ZNF846: variants seen among roughly 807,000 people sequenced by gnomAD.
The protein encoded by ZNF846 is zinc finger protein 420 pseudogene.
In ZNF846, 15 loss-of-function variants were observed where a neutral mutation model predicts 16.0. The ratio of observed to expected loss-of-function variants is 0.94; its 90% CI spans 0.63 to 1.45. The LOEUF (loss-of-function observed/expected upper bound fraction) is 1.45, where lower values mean the gene tolerates loss of function less well. ZNF846 is among the 40% of genes most tolerant of loss of function. The pLI, the probability that ZNF846 is intolerant of heterozygous loss-of-function variation, is 0.00. For synonymous variants in ZNF846, 229 were observed against 212.0 expected, an observed-to-expected ratio of 1.08 and a Z score of -0.70; for missense variants, 714 against 622.3, an observed-to-expected ratio of 1.15 and a Z score of -1.57.
chr19:9,781,452 C>G (rs2045500457), intron 1 of ZNF846, among the ~76,000 whole-genome samples: 1 of 152,100 alleles, frequency 6.6e-6, no homozygotes, highest in Admixed American at 6.6e-5. Context: ...CTTATCCCTC[C>G]CCTCCCAGCA....
At chr19:9,761,544 C>T (rs1031683131) in intron 4 of ZNF846, among the ~76,000 whole-genome samples, 32 of 151,920 alleles carry the variant, frequency 2.1e-4, no homozygotes, top group Non-Finnish European at 4.4e-5. Flanking sequence ...AATCCCATCT[C>T]TACAAAAATA....
chr19:9,754,548 G>A (rs1463529821), downstream of ZNF846, among the ~76,000 whole-genome samples: 1 of 116,066 alleles, frequency 8.6e-6, no homozygotes, highest in Non-Finnish European at 1.6e-5. Context: ...CTGGGCGACA[G>A]AGCGAGACTC....
At chr19:9,753,529 C>A (rs2045105325), downstream of ZNF846, among the ~76,000 whole-genome samples, 2 of 151,062 alleles carry the variant, frequency 1.3e-5, no homozygotes, top group Non-Finnish European at 2.9e-5. Context: ...GCTGGGATTA[C>A]AGGTGTGAGC....
upstream of ZNF846, among the ~76,000 whole-genome samples, chr19:9,771,508 C>T (rs2045390796): frequency 3.9e-5 from 6 of 152,118 alleles, no homozygotes; most frequent in Admixed American, 2.6e-4. Context: ...TATGCCTTTG[C>T]ATCCTCATAG....
chr19:9,776,588 T>A (rs566936029), intron 1 of ZNF846, among the ~76,000 whole-genome samples: 135 of 152,328 alleles, frequency 8.9e-4, no homozygotes, highest in African/African-American at 2.9e-3. Context: ...TTGCTTTGTA[T>A]CCAGTAAATA....
chr19:9,760,167 C>G (rs1047830213), intron 4 of ZNF846, among the ~76,000 whole-genome samples: 2 of 151,116 alleles, frequency 1.3e-5, no homozygotes, highest in Non-Finnish European at 2.9e-5. Flanking sequence ...GTGGTGCATG[C>G]CTGTAATCCC....
exon 6 of ZNF846, chr19:9,758,064 T>A: frequency 6.2e-7 from 1 of 1,613,536 alleles, no homozygotes; most frequent in Non-Finnish European, 8.5e-7. Flanking sequence ...CTTACATTCA[T>A]ATGGCTTTTC....
rs781244269 is a variant in ZNF846 at position 9,757,535 on chromosome 19, GT to G, written c.1541del (p.Asn514ThrfsTer12). The G allele has an allele frequency of 5.6e-6, 9 of 1,611,696 alleles. No individual in the cohort carries two copies. Among genetic ancestry groups the G allele is most frequent in the Admixed American group, 1.7e-5 (1 of 59,548 alleles). On this transcript the variant is annotated frameshift_variant, in exon 6 of 6. Transcript: ENST00000397902. LOFTEE classifies it low-confidence loss of function (END_TRUNC). The stretch of plus-strand genomic sequence containing the variant: ...TAGCAAGTGCTGAAGATTGAGTGAA[GT>G]TTTTCCCACATTTCTTACATTCATA...
chr19:9,785,411 T>C (rs111881626), intron 1 of ZNF846, among the ~76,000 whole-genome samples: 1 of 151,762 alleles, frequency 6.6e-6, no homozygotes, highest in Non-Finnish European at 1.5e-5. Flanking sequence ...TTGGCCAGTA[T>C]GGTCTTAATC....
exon 6 of ZNF846, chr19:9,757,879 C>A (rs1313642647): frequency 1.2e-6 from 2 of 1,613,420 alleles, no homozygotes; most frequent in South Asian, 2.2e-5. Flanking sequence ...AAGGCTTTCC[C>A]ACATTCTTTA....
At chr19:9,782,547 G>C (rs1211231363) in intron 1 of ZNF846, among the ~76,000 whole-genome samples, 3 of 152,134 alleles carry the variant, frequency 2.0e-5, no homozygotes, top group Admixed American at 6.5e-5. Context: ...GCAGGCATGA[G>C]TCACCATGCC....
chr19:9,785,054 C>G (rs1037497424), intron 1 of ZNF846, among the ~76,000 whole-genome samples: 1 of 150,330 alleles, frequency 6.7e-6, no homozygotes, highest in Non-Finnish European at 1.5e-5. Context: ...TCTGATCTCT[C>G]TTTCTTTTCC....
chr19:9,776,058 G>C (rs551862165), intron 1 of ZNF846, among the ~76,000 whole-genome samples: 2 of 152,332 alleles, frequency 1.3e-5, no homozygotes, highest in East Asian at 3.9e-4. Flanking sequence ...GCCCAGACAG[G>C]GCCACCAGAA....
chr19:9,758,497 G>C, exon 6 of ZNF846: 2 of 1,613,566 alleles, frequency 1.2e-6, no homozygotes, highest in South Asian at 1.1e-5. Context: ...AATTTCTCTT[G>C]TGTGTGAGTT....
intron 1 of ZNF846, among the ~76,000 whole-genome samples, chr19:9,781,767 A>T (rs1414453291): frequency 6.6e-6 from 1 of 151,402 alleles, no homozygotes; most frequent in Admixed American, 6.6e-5. Context: ...AAATTTCCCA[A>T]GGGCAAACAA....
At position 9,759,794 on chromosome 19, in the gene ZNF846, T is replaced by G; in HGVS notation, c.312+66A>C. The G allele has an allele frequency of 1.3e-5, 16 of 1,277,828 alleles. No individual in the cohort carries two copies. The South Asian group carries it at 2.1e-4, about 17-fold the overall frequency. The allele number at this position is 1,277,828 out of a possible 1,614,324, so 79.2% of individuals were successfully genotyped here. ...CTCTGGGTAAATGCCATTTTCCTCA[T>G]ATAATTTTCATGAATATTGTGCTTC... On this transcript the variant is annotated intron_variant, in intron 5 of 5. Transcript: ENST00000397902.
intron 4 of ZNF846, among the ~76,000 whole-genome samples, chr19:9,761,746 C>G (rs10417864): frequency 0.28 from 41,831 of 151,114 alleles, 6,786 homozygotes; most frequent in African/African-American, 0.43. Context: ...TATTATCCAA[C>G]TAATAATATG....
intron 1 of ZNF846, among the ~76,000 whole-genome samples, chr19:9,779,821 C>T (rs2045482725): frequency 6.6e-6 from 1 of 151,968 alleles, no homozygotes; most frequent in African/African-American, 2.4e-5. Flanking sequence ...GATCCACCCA[C>T]CTCCAACTCC....
intron 3 of ZNF846, 79 bp downstream of exon 3, chr19:9,763,203 A>C: frequency 7.3e-7 from 1 of 1,376,298 alleles, no homozygotes; most frequent in Non-Finnish European, 9.8e-7. Flanking sequence ...TGCTTATTAC[A>C]GTACCCTCAT....
Sources: gnomAD v4.1 joint callset for allele counts (sites outside exome capture counted in the v4.1 genomes callset) on GRCh38, gnomAD v4.1.1 for gene constraint, MANE v1.5 for transcripts, NCBI Gene and HGNC (gene_info 2026-07-23, HGNC 2026-07-21) for gene names.